The following LPA variants were observed in gnomAD, a reference collection of about 807,000 sequenced individuals.
LPA encodes lipoprotein(a).
LPA carries 199 observed loss-of-function variants against 197.9 expected under a neutral mutation model. The ratio of observed to expected loss-of-function variants is 1.01; its 90% CI spans 0.90 to 1.13. The LOEUF (loss-of-function observed/expected upper bound fraction) is 1.13, where lower values mean the gene tolerates loss of function less well. Among genes scored for constraint, LPA ranks in the 50% most tolerant of loss-of-function variants. The pLI, the probability that LPA is intolerant of heterozygous loss-of-function variation, is 0.00. For synonymous variants in LPA, 715 were observed against 639.5 expected (o/e 1.12, Z -1.78); for missense variants, 1,853 against 1,785.8 (o/e 1.04, Z -0.68).
intron 28 of LPA, among the ~76,000 whole-genome samples, chr6:160,572,810 T>C (rs1308776097): frequency 6.6e-6 from 1 of 152,242 alleles, no homozygotes; most frequent in Non-Finnish European, 1.5e-5. Flanking sequence ...ATACATTACC[T>C]GGTGCTTCTG....
chr6:160,572,243 C>G (rs1778576397), intron 28 of LPA, among the ~76,000 whole-genome samples: 1 of 152,134 alleles, frequency 6.6e-6, no homozygotes, highest in African/African-American at 2.4e-5. Flanking sequence ...AGCCGGGTAC[C>G]TTGGTTGGAA....
chr6:160,664,050 T>C, intron 1 of LPA, 116 bp downstream of exon 1: 5 of 1,286,330 alleles, frequency 3.9e-6, no homozygotes, highest in Non-Finnish European at 5.4e-6. Context: ...GATTTTGAAC[T>C]GGGAATTTCA....
chr6:160,559,274 A>T (rs1407076520), intron 28 of LPA, among the ~76,000 whole-genome samples: 1 of 152,232 alleles, frequency 6.6e-6, no homozygotes, highest in Non-Finnish European at 1.5e-5. Context: ...AAATGATCTC[A>T]TGTAAATGAA....
intron 1 of LPA, among the ~76,000 whole-genome samples, chr6:160,661,019 G>A (rs1478638542): frequency 6.6e-6 from 1 of 151,694 alleles, no homozygotes. Flanking sequence ...GTGGCAAAGG[G>A]TGGCCAAGTG....
chr6:160,539,727 GA>G (rs1202856174), intron 36 of LPA, among the ~76,000 whole-genome samples: 1 of 152,204 alleles, frequency 6.6e-6, no homozygotes, highest in African/African-American at 2.4e-5. Flanking sequence ...ATTATGAAAG[GA>G]GAATAGTTAG....
At chr6:160,611,213 G>C (rs949123605) in intron 16 of LPA, among the ~76,000 whole-genome samples, 1 of 152,132 alleles carries the variant, frequency 6.6e-6, no homozygotes, top group South Asian at 2.1e-4. Context: ...TTCAGGAATT[G>C]GAAGTCAGAA....
chr6:160,584,987 C>A (rs1221982738), intron 26 of LPA, 59 bp downstream of exon 26: 3 of 1,567,820 alleles, frequency 1.9e-6, no homozygotes, highest in Non-Finnish European at 2.6e-6. Context: ...TAGCATGGGC[C>A]AGCTAAGAGA....
chr6:160,534,231 G>C (rs1398520521), intron 37 of LPA, among the ~76,000 whole-genome samples: 1 of 152,192 alleles, frequency 6.6e-6, no homozygotes, highest in Non-Finnish European at 1.5e-5. Context: ...TGTGTAAAGG[G>C]GCACCCTTCT....
rs41269848 is a variant in LPA at position 160,663,844 on chromosome 6, C to A, written c.49+322G>T. On this transcript the variant is annotated intron_variant, in intron 1 of 38. Coordinates refer to ENST00000316300, the MANE Select transcript of LPA (RefSeq NM_005577.4). ...TAAATTAATGAAACTGAGAACCAAGCGAAGAGCTTAGCCATCCTTTGCATA... is the reference window on the plus strand; with the variant it reads ...TAAATTAATGAAACTGAGAACCAAGAGAAGAGCTTAGCCATCCTTTGCATA... 7.1e-3 allele frequency among the ~76,000 whole-genome samples: 1,084 copies of A among 152,260 alleles called. 10 individuals are homozygous for A. The highest frequency in any genetic ancestry group is 0.025 in the African/African-American group (1,048 of 41,546).
chr6:160,559,218 G>A (rs1480653233), intron 28 of LPA, among the ~76,000 whole-genome samples: 1 of 152,078 alleles, frequency 6.6e-6, no homozygotes, highest in African/African-American at 2.4e-5. Flanking sequence ...CAAATACATT[G>A]GTTTCTTTCA....
chr6:160,586,416 G>A (rs774106186), intron 25 of LPA, 33 bp downstream of exon 25: 22 of 1,610,294 alleles, frequency 1.4e-5, no homozygotes, highest in South Asian at 5.5e-5. Flanking sequence ...CCCAATGTCC[G>A]AGGGTATGGT....
Position 160,586,509 on chromosome 6 carries a change from T to C in LPA, c.4069A>G (p.Thr1357Ala), listed in dbSNP as rs1034837635. The C allele has an allele frequency of 1.9e-6, 3 of 1,613,602 alleles. No individual in the cohort carries two copies. Among genetic ancestry groups the C allele is most frequent in the Non-Finnish European group, 2.5e-6 (3 of 1,179,760 alleles). The change falls in exon 25 of 39, where the codon ACT becomes GCT. Residue 1357 changes from threonine (T) to alanine (A), a missense_variant. Transcript: ENST00000316300. ...ACCACCGTGGGAGTTGTGAGGAGAG[T>C]TGATTCCATCACTGGACATTGCGTC... is the stretch of plus-strand genomic sequence containing the variant. Reference protein sequence around the residue: ...NLTQCPVMESTLLTTPTVVPV... With the variant: ...NLTQCPVMESALLTTPTVVPV...
intron 28 of LPA, among the ~76,000 whole-genome samples, chr6:160,571,435 T>A (rs1778559905): frequency 6.6e-6 from 1 of 152,186 alleles, no homozygotes; most frequent in African/African-American, 2.4e-5. Flanking sequence ...TTTTCAGAGC[T>A]GGCAGGCAGG....
intron 35 of LPA, 44 bp from the exon 36 acceptor site, chr6:160,540,227 C>A (rs1481190260): frequency 1.1e-5 from 17 of 1,613,172 alleles, no homozygotes; most frequent in Non-Finnish European, 1.4e-5. Context: ...GGTCCAGCCC[C>A]TTCAGGTATC....
rs572380964 is a variant in LPA at position 160,560,251 on chromosome 6, C to A, written c.4632-2680G>T. Among the ~76,000 whole-genome samples the A allele has an allele frequency of 3.9e-5, 6 of 152,256 alleles. No individual in the cohort carries two copies. In the South Asian group the frequency reaches 1.2e-3, roughly 32 times the overall value. ...TGTGAATAGTGCTACAATAAACATACGTGTGCATGTGTCTTTATTGTAGAA... is the reference window on the plus strand; with the variant it reads ...TGTGAATAGTGCTACAATAAACATAAGTGTGCATGTGTCTTTATTGTAGAA... On this transcript the variant is annotated intron_variant, in intron 28 of 38. Coordinates refer to ENST00000316300, the MANE Select transcript of LPA (RefSeq NM_005577.4).
intron 26 of LPA, among the ~76,000 whole-genome samples, chr6:160,580,861 CTTAT>C (rs943605666): frequency 3.9e-5 from 6 of 152,226 alleles, no homozygotes; most frequent in Non-Finnish European, 4.4e-5. Flanking sequence ...GTGTTACTTA[CTTAT>C]TTATTTTCTT....
intron 1 of LPA, among the ~76,000 whole-genome samples, chr6:160,656,502 C>T (rs896898259): frequency 6.6e-6 from 1 of 152,190 alleles, no homozygotes; most frequent in African/African-American, 2.4e-5. Context: ...ATTACCTAAC[C>T]TCCATAAGCC....
chr6:160,600,933 C>G lies in LPA; in HGVS notation c.3111G>C (p.Glu1037Asp). The part of the protein sequence containing the change: ...PPNVILAPSL[E>D]AFFEQALTEE... Reference sequence around the variant, plus strand: ...ACTTCTTACCTTGTTCAAAAAAAGCCTCTAGGCTTGGAGCCAGAATAACAT... The same window carrying G: ...ACTTCTTACCTTGTTCAAAAAAAGCGTCTAGGCTTGGAGCCAGAATAACAT... The change falls in exon 19 of 39, where the codon GAG (glutamate) becomes GAC (aspartate). Residue 1037 changes from glutamate to aspartate, a missense_variant. Transcript: ENST00000316300. 6.2e-7 allele frequency: 1 copy of G among 1,612,736 alleles called. No individual in the cohort carries two copies. Among genetic ancestry groups the G allele is most frequent in the South Asian group, 1.1e-5 (1 of 91,024 alleles).
chr6:160,535,378 T>G (rs962945082), intron 37 of LPA, among the ~76,000 whole-genome samples: 1 of 103,222 alleles, frequency 9.7e-6, no homozygotes, highest in African/African-American at 3.7e-5. Flanking sequence ...ATGATGGTGG[T>G]GGTGATGGTG....
Sources: allele counts gnomAD v4.1 joint callset (sites outside exome capture counted in the v4.1 genomes callset), GRCh38; gene constraint gnomAD v4.1.1; transcripts MANE v1.5; gene names NCBI Gene and HGNC (gene_info 2026-07-23, HGNC 2026-07-21).